The following KSR2 variants were observed in gnomAD, a reference collection of about 807,000 sequenced individuals.
The protein encoded by KSR2 is kinase suppressor of ras 2.
Under a neutral mutation model 107.8 loss-of-function variants are expected in KSR2, and 25 were observed. That is an observed-to-expected ratio of 0.23 (90% CI 0.17 to 0.32). The LOEUF (loss-of-function observed/expected upper bound fraction) is 0.32. Among genes scored for constraint, KSR2 ranks in the 10% least tolerant of loss-of-function variants. The pLI, the probability that KSR2 is intolerant of heterozygous loss-of-function variation, is 1.00. For synonymous variants in KSR2, 480 were observed against 507.0 expected, an observed-to-expected ratio of 0.95 and a Z score of 0.71; for missense variants, 887 against 1,268.9, an observed-to-expected ratio of 0.70 and a Z score of 4.57.
intron 3 of KSR2, among the ~76,000 whole-genome samples, chr12:117,794,268 T>G (rs1454541634): frequency 1.4e-5 from 1 of 73,722 alleles, no homozygotes. Flanking sequence ...TACACCAACA[T>G]GCACACACAC....
intron 5 of KSR2, among the ~76,000 whole-genome samples, chr12:117,664,742 G>A (rs73211990): frequency 1.3e-5 from 2 of 152,264 alleles, no homozygotes; most frequent in Non-Finnish European, 2.9e-5. Context: ...ATACAATGCA[G>A]GCTAGATTGG....
At chr12:117,815,540 C>T (rs2393326) in intron 3 of KSR2, among the ~76,000 whole-genome samples, 60,998 of 151,962 alleles carry the variant, frequency 0.4, 14,966 homozygotes, top group African/African-American at 0.67. Context: ...GATACAGTAG[C>T]AAATCAAATA....
At chr12:117,815,898 C>A (rs1432584666) in intron 3 of KSR2, among the ~76,000 whole-genome samples, 1 of 151,280 alleles carries the variant, frequency 6.6e-6, no homozygotes, top group African/African-American at 2.4e-5. Context: ...TTGCTTGAAC[C>A]TGGGAGGCAG....
At chr12:117,801,283 ATTTT>A (rs35746430) in intron 3 of KSR2, among the ~76,000 whole-genome samples, 1 of 136,020 alleles carries the variant, frequency 7.4e-6, no homozygotes, top group Non-Finnish European at 1.6e-5. Flanking sequence ...TGCCCGGCTA[ATTTT>A]TTTTTTTTTT....
At position 117,667,602 on chromosome 12, in the gene KSR2, C is replaced by T; in HGVS notation, c.1043G>A (p.Cys348Tyr). ...NLKIHSSVGS[C>Y]ENIPSQQRSP... ...GCGCTGCTGAGAGGGGATGTTCTCG[C>T]AGCTGCCTACGCTGCTGTGGATCTT... is the stretch of plus-strand genomic sequence containing the variant. The change falls in exon 5 of 20, where the codon TGC becomes TAC. Residue 348 changes from cysteine to tyrosine, a missense_variant. Transcript: ENST00000339824. The T allele has an allele frequency of 6.2e-7, 1 of 1,612,938 alleles. No individual in the cohort carries two copies. Among genetic ancestry groups the T allele is most frequent in the Non-Finnish European group, 8.5e-7 (1 of 1,179,420 alleles).
In KSR2 at chr12:117,817,356, T is replaced by TTCTC. The variant is rs1215166543; in HGVS notation, c.472+38068_472+38071dup. On this transcript the variant is annotated intron_variant, in intron 3 of 19. Transcript: ENST00000339824. ...AGATAATGATTTGTTCTCTCTCTCT[T>TTCTC]TCTCTCTCTCTCAATAACCGCCCCC... Among the ~76,000 whole-genome samples, 12 of 152,004 alleles carry TTCTC rather than the reference T, an allele frequency of 7.9e-5. 1 individual carries two copies. In the East Asian group the frequency reaches 2.3e-3, roughly 29 times the overall value.
At chr12:117,825,199 T>G (rs1357360322) in intron 3 of KSR2, among the ~76,000 whole-genome samples, 4 of 152,048 alleles carry the variant, frequency 2.6e-5, no homozygotes, top group Non-Finnish European at 4.4e-5. Flanking sequence ...CAAAACAAAG[T>G]GCCTGACACA....
chr12:117,803,812 G>A (rs1227959102), intron 3 of KSR2, among the ~76,000 whole-genome samples: 1 of 152,160 alleles, frequency 6.6e-6, no homozygotes, highest in Non-Finnish European at 1.5e-5. Flanking sequence ...AACTTGAGAG[G>A]CTGGGCCCAT....
At chr12:117,962,865 G>A (rs1292691683) in intron 1 of KSR2, among the ~76,000 whole-genome samples, 1 of 151,930 alleles carries the variant, frequency 6.6e-6, no homozygotes, top group Non-Finnish European at 1.5e-5. Context: ...AAGTTTCAGG[G>A]TCCACAAATA....
Position 117,825,763 on chromosome 12 carries a change from G to A in KSR2, c.472+29665C>T, listed in dbSNP as rs561517457. ...CTCTAGCACTCAGCAGAGTGCCTGG[G>A]ATATAGAAGGGGCTCAGTGTCTATA... On this transcript the variant is annotated intron_variant, in intron 3 of 19. Coordinates refer to ENST00000339824, the MANE Select transcript of KSR2 (RefSeq NM_173598.6). Among the ~76,000 whole-genome samples, 3 of 152,204 alleles carry A rather than the reference G, an allele frequency of 2.0e-5. No individual in the cohort carries two copies. The East Asian group carries it at 5.8e-4, about 29-fold the overall frequency.
intron 5 of KSR2, among the ~76,000 whole-genome samples, chr12:117,653,882 C>T (rs1884007010): frequency 6.6e-6 from 1 of 152,174 alleles, no homozygotes; most frequent in Non-Finnish European, 1.5e-5. Context: ...CAGGTCCAGG[C>T]TGCTGTGCAA....
chr12:117,534,906 G>A (rs1300009981), intron 10 of KSR2, among the ~76,000 whole-genome samples: 1 of 152,120 alleles, frequency 6.6e-6, no homozygotes, highest in African/African-American at 2.4e-5. Flanking sequence ...GCAAGGAGAT[G>A]GATTCTCCCT....
intron 7 of KSR2, among the ~76,000 whole-genome samples, chr12:117,560,189 G>A (rs1428712890): frequency 2.0e-5 from 3 of 152,150 alleles, no homozygotes; most frequent in African/African-American, 4.8e-5. Context: ...CAGATCTGCT[G>A]AATCAGTACT....
chr12:117,787,461 C>T (rs988652020), intron 3 of KSR2, among the ~76,000 whole-genome samples: 13 of 152,008 alleles, frequency 8.6e-5, no homozygotes, highest in African/African-American at 3.1e-4. Flanking sequence ...GGTGAAACTC[C>T]GCCTCTACTA....
chr12:117,699,600 C>T (rs1886217819), intron 4 of KSR2, among the ~76,000 whole-genome samples: 1 of 152,104 alleles, frequency 6.6e-6, no homozygotes, highest in African/African-American at 2.4e-5. Flanking sequence ...AGAAAAGGTA[C>T]AGGCAAAATA....
chr12:117,537,256 A>G (rs1876119537), intron 10 of KSR2, among the ~76,000 whole-genome samples: 1 of 152,128 alleles, frequency 6.6e-6, no homozygotes, highest in South Asian at 2.1e-4. Context: ...AAAATGCCAA[A>G]TTACCTTCCC....
chr12:117,468,824 T>C (rs1295335834), intron 19 of KSR2, among the ~76,000 whole-genome samples: 2 of 152,284 alleles, frequency 1.3e-5, no homozygotes, highest in East Asian at 3.9e-4. Context: ...TTTTTGTATA[T>C]GGATGTGTGT....
At position 117,667,579 on chromosome 12, in the gene KSR2, G is replaced by A. The variant is rs775404668; in HGVS notation, c.1066C>T (p.Arg356Cys). The A allele has an allele frequency of 6.2e-6, 10 of 1,613,146 alleles. No homozygotes were observed. The highest frequency in any genetic ancestry group is 4.0e-5 in the African/African-American group (3 of 74,912). Residue 356 changes from arginine (R) to cysteine (C), a missense_variant, in exon 5 of 20, where the codon CGC becomes TGC. Physicochemically the swap from Arg to Cys is radical, Grantham distance 180. Transcript: ENST00000339824. ...GSCENIPSQQ[R>C]SPLLSERSLR... The stretch of plus-strand genomic sequence containing the variant: ...GAGCGCTCGGACAGCAGCGGGGAGC[G>A]CTGCTGAGAGGGGATGTTCTCGCAG...
chr12:117,549,565 G>C (rs1877138109), intron 9 of KSR2, among the ~76,000 whole-genome samples: 1 of 152,158 alleles, frequency 6.6e-6, no homozygotes, highest in South Asian at 2.1e-4. Context: ...CAATGAGCCA[G>C]TCACACAGTC....
Sources: gnomAD v4.1 joint callset for allele counts (sites outside exome capture counted in the v4.1 genomes callset) on GRCh38, gnomAD v4.1.1 for gene constraint, MANE v1.5 for transcripts, NCBI Gene and HGNC (gene_info 2026-07-23, HGNC 2026-07-21) for gene names.